The following EPHA6 variants were observed in gnomAD, a reference collection of about 807,000 sequenced individuals.
The protein encoded by EPHA6 is EPH receptor A6, also known as ephrin type-A receptor 6.
Under a neutral mutation model 112.0 loss-of-function variants are expected in EPHA6, and 50 were observed. That is an observed-to-expected ratio of 0.45 (90% CI 0.36 to 0.56). The LOEUF (loss-of-function observed/expected upper bound fraction) is 0.56, where lower values mean the gene tolerates loss of function less well. Among genes scored for constraint, EPHA6 ranks in the 20% least tolerant of loss-of-function variants. EPHA6 has a pLI of 0.00. For synonymous variants in EPHA6, 529 were observed against 490.7 expected, an observed-to-expected ratio of 1.08 and a Z score of -1.03; for missense variants, 1,280 against 1,417.4, an observed-to-expected ratio of 0.90 and a Z score of 1.56.
chr3:97,459,549 A>G (rs938569452), intron 7 of EPHA6, among the ~76,000 whole-genome samples: 1 of 152,124 alleles, frequency 6.6e-6, no homozygotes, highest in African/African-American at 2.4e-5. Context: ...CTGAGGCTCA[A>G]ATTTCCTAGG....
chr3:97,730,972 T>C (rs1315825793), intron 15 of EPHA6, among the ~76,000 whole-genome samples: 2 of 152,054 alleles, frequency 1.3e-5, no homozygotes, highest in South Asian at 2.1e-4. Context: ...TGGTGAGCCA[T>C]TGCAGAATTT....
At chr3:97,659,278 G>A (rs1435140898) in intron 14 of EPHA6, among the ~76,000 whole-genome samples, 3 of 151,934 alleles carry the variant, frequency 2.0e-5, no homozygotes, top group Non-Finnish European at 4.4e-5. Flanking sequence ...TTTGTGTTTA[G>A]AACAAATCAG....
Position 96,997,992 on chromosome 3 carries a change from C to A in EPHA6, c.1114+9999C>A, listed in dbSNP as rs187210461. The stretch of plus-strand genomic sequence containing the variant: ...TTTATAAAATAGGTTAAAGGGCAAA[C>A]CTACTTGAAATTATAATTTTAGCAA... On this transcript the variant is annotated intron_variant, in intron 3 of 17. Coordinates refer to ENST00000389672, the MANE Select transcript of EPHA6 (RefSeq NM_001080448.3). 3.2e-4 allele frequency among the ~76,000 whole-genome samples: 49 copies of A among 151,996 alleles called. No individual in the cohort carries two copies. In the East Asian group the frequency reaches 7.7e-3, roughly 24 times the overall value.
chr3:97,497,950 G>A (rs907726122), intron 10 of EPHA6, among the ~76,000 whole-genome samples: 3 of 151,960 alleles, frequency 2.0e-5, no homozygotes, highest in Admixed American at 2.0e-4. Context: ...AAGAATTCAG[G>A]GATTCATGAG....
chr3:97,063,516 A>G (rs866368990), intron 3 of EPHA6, among the ~76,000 whole-genome samples: 1 of 152,144 alleles, frequency 6.6e-6, no homozygotes, highest in East Asian at 1.9e-4. Flanking sequence ...CCATAGACAC[A>G]GGGAGTGGAA....
intron 5 of EPHA6, among the ~76,000 whole-genome samples, chr3:97,389,008 T>G (rs2086241870): frequency 6.6e-6 from 1 of 152,172 alleles, no homozygotes; most frequent in South Asian, 2.1e-4. Flanking sequence ...GGGCCCATTT[T>G]GAGCCTGATA....
chr3:96,914,566 A>C (rs1460673833), intron 2 of EPHA6, among the ~76,000 whole-genome samples: 1 of 152,166 alleles, frequency 6.6e-6, no homozygotes, highest in Non-Finnish European at 1.5e-5. Context: ...GAATAGCCCA[A>C]CTTAGTTAAA....
intron 5 of EPHA6, among the ~76,000 whole-genome samples, chr3:97,281,228 TGC>T (rs375427847): frequency 0.034 from 3,190 of 93,364 alleles, 106 homozygotes; most frequent in African/African-American, 0.18. Flanking sequence ...TGTGTGTGTG[TGC>T]GCGCGTGTGT....
Position 97,756,072 on chromosome 3 carries a change from C to T in EPHA6, c.*7371C>T, listed in dbSNP as rs1185885046. ...CACATCTTCATTCACTTAGAGAAGCCATAATATAATTCTTCATATTAGTTT... is the reference window on the plus strand; with the variant it reads ...CACATCTTCATTCACTTAGAGAAGCTATAATATAATTCTTCATATTAGTTT... On this transcript the variant is annotated 3_prime_UTR_variant, in exon 18 of 18. Transcript: ENST00000389672. 2.6e-5 allele frequency among the ~76,000 whole-genome samples: 4 copies of T among 151,912 alleles called. No homozygotes were observed. Among genetic ancestry groups the T allele is most frequent in the Non-Finnish European group, 5.9e-5 (4 of 67,856 alleles).
intron 3 of EPHA6, among the ~76,000 whole-genome samples, chr3:97,171,099 A>T (rs2076687401): frequency 6.6e-6 from 1 of 152,204 alleles, no homozygotes; most frequent in Admixed American, 6.5e-5. Flanking sequence ...GTCTTAGAGA[A>T]AACGAGACAA....
chr3:97,674,503 A>G (rs2031165406), intron 14 of EPHA6, among the ~76,000 whole-genome samples: 1 of 152,212 alleles, frequency 6.6e-6, no homozygotes, highest in Non-Finnish European at 1.5e-5. Flanking sequence ...TTTTCAGACT[A>G]AAGGAGATGA....
intron 6 of EPHA6, among the ~76,000 whole-genome samples, chr3:97,420,362 A>T (rs2088516450): frequency 6.6e-6 from 1 of 152,118 alleles, no homozygotes; most frequent in Admixed American, 6.5e-5. Flanking sequence ...AGAAAAATGA[A>T]GATATAGTAA....
chr3:97,296,994 T>G lies in EPHA6; in HGVS notation c.1606+52707T>G, dbSNP rs891217081. On this transcript the variant is annotated intron_variant, in intron 5 of 17. Coordinates refer to ENST00000389672, the MANE Select transcript of EPHA6 (RefSeq NM_001080448.3). ...ATGCAGTCTGGTGAGGGCTGGATTC[T>G]TAAAATGGCAACATAGTGCAGCTGC... Among the ~76,000 whole-genome samples, 7 of 152,170 alleles carry G rather than the reference T, an allele frequency of 4.6e-5. No homozygotes were observed. In the East Asian group the frequency reaches 1.3e-3, roughly 29 times the overall value.
chr3:97,417,985 A>C (rs944682376), intron 6 of EPHA6, among the ~76,000 whole-genome samples: 1 of 152,288 alleles, frequency 6.6e-6, no homozygotes, highest in Non-Finnish European at 1.5e-5. Flanking sequence ...AACGATCTGC[A>C]ACAGATTTAG....
chr3:97,194,701 C>T (rs896312008), intron 3 of EPHA6, among the ~76,000 whole-genome samples: 3 of 149,690 alleles, frequency 2.0e-5, no homozygotes, highest in Admixed American at 1.3e-4. Flanking sequence ...TGGTGTTTTT[C>T]CCTCTCTAGC....
chr3:97,240,824 G>A (rs1252532195), intron 4 of EPHA6, among the ~76,000 whole-genome samples: 1 of 151,738 alleles, frequency 6.6e-6, no homozygotes, highest in Non-Finnish European at 1.5e-5. Context: ...TGTTAATTTT[G>A]TTTCCACATC....
intron 3 of EPHA6, among the ~76,000 whole-genome samples, chr3:97,134,105 A>G (rs1432770049): frequency 1.3e-5 from 2 of 151,784 alleles, no homozygotes; most frequent in Admixed American, 1.3e-4. Context: ...GAGGTCAGTT[A>G]AAAACAAATG....
At chr3:96,904,469 A>AG (rs2038811881) in intron 2 of EPHA6, among the ~76,000 whole-genome samples, 2 of 63,644 alleles carry the variant, frequency 3.1e-5, no homozygotes, top group Non-Finnish European at 5.6e-5. Flanking sequence ...GGGTGGGGGG[A>AG]GGGGGGAGGG....
chr3:97,074,146 C>T (rs2046443791), intron 3 of EPHA6, among the ~76,000 whole-genome samples: 1 of 151,770 alleles, frequency 6.6e-6, no homozygotes. Context: ...AGTTATTTTG[C>T]CATTCCCTGT....
Sources: gnomAD v4.1 joint callset for allele counts (sites outside exome capture counted in the v4.1 genomes callset) on GRCh38, gnomAD v4.1.1 for gene constraint, MANE v1.5 for transcripts, NCBI Gene and HGNC (gene_info 2026-07-23, HGNC 2026-07-21) for gene names.